Variants in FSTL4 observed in about 807,000 individuals in gnomAD.
FSTL4 encodes follistatin-related protein 4.
FSTL4 carries 28 observed loss-of-function variants against 78.2 expected under a neutral mutation model. That is an observed-to-expected ratio of 0.36 (90% CI 0.27 to 0.49). The LOEUF (loss-of-function observed/expected upper bound fraction) is 0.49. Ranked by LOEUF, FSTL4 falls within the 20% of genes least tolerant of loss-of-function variation. The pLI is 0.98. For missense variants in FSTL4, 922 were observed against 1,084.9 expected (o/e 0.85, Z 2.11); for synonymous variants, 422 against 440.5 (o/e 0.96, Z 0.53).
chr5:133,809,009 G>A, the FSTL4 span, among the ~76,000 whole-genome samples: 1 of 152,018 alleles, frequency 6.6e-6, no homozygotes, highest in Non-Finnish European at 1.5e-5. Flanking sequence ...TTTTGGACAG[G>A]TTGTGTGAAC....
At chr5:133,815,859 G>A in the FSTL4 span, among the ~76,000 whole-genome samples, 1 of 152,012 alleles carries the variant, frequency 6.6e-6, no homozygotes, top group African/African-American at 2.4e-5. Flanking sequence ...TTGTACCCAG[G>A]GCCCCAAAAG....
chr5:133,581,160 T>C (rs1051321839), intron 2 of FSTL4, among the ~76,000 whole-genome samples: 10 of 152,230 alleles, frequency 6.6e-5, no homozygotes, highest in African/African-American at 2.4e-4. Context: ...AAATGAGTTA[T>C]ATTTAATTAA....
intron 1 of FSTL4, among the ~76,000 whole-genome samples, chr5:133,609,111 G>A (rs1761035834): frequency 6.6e-6 from 1 of 152,164 alleles, no homozygotes. Context: ...AGCCATTAAG[G>A]ATTAGCCATA....
chr5:133,612,068 G>A lies in FSTL4; in HGVS notation c.-11+257C>T, dbSNP rs1348578620. Among the ~76,000 whole-genome samples, 6 of 152,046 alleles carry A rather than the reference G, an allele frequency of 3.9e-5. No individual in the cohort carries two copies. The highest frequency in any genetic ancestry group is 1.4e-4 in the African/African-American group (6 of 41,432). On this transcript the variant is annotated intron_variant, in intron 1 of 15. Transcript: ENST00000265342. This position sits in a 1 kb window ranked among gnomAD's most constrained non-coding sequence, Gnocchi z 6.2. Reference sequence around the variant, plus strand: ...CCGTAGACCCCGGCCACGAGCCTCGGCGTCCCAGCCTCTCCTCGAGTCCTG... The same window carrying A: ...CCGTAGACCCCGGCCACGAGCCTCGACGTCCCAGCCTCTCCTCGAGTCCTG...
At chr5:133,401,076 C>G in intron 3 of FSTL4, 90 bp from the exon 4 acceptor site, 1 of 1,464,072 alleles carries the variant, frequency 6.8e-7, no homozygotes. Context: ...AGCACAGACT[C>G]CATTTGCCTG....
intron 2 of FSTL4, among the ~76,000 whole-genome samples, chr5:133,579,659 T>A (rs1760359976): frequency 6.6e-6 from 1 of 152,198 alleles, no homozygotes; most frequent in African/African-American, 2.4e-5. Flanking sequence ...CAACTTAACA[T>A]CCACCTGTTT....
chr5:133,825,869 CCT>C, the FSTL4 span, among the ~76,000 whole-genome samples: 2 of 152,240 alleles, frequency 1.3e-5, no homozygotes, highest in African/African-American at 4.8e-5. Flanking sequence ...GCTGTCTCCC[CCT>C]GTGCTCAGCT....
intron 2 of FSTL4, among the ~76,000 whole-genome samples, chr5:133,572,129 G>GA (rs1368737312): frequency 1.3e-5 from 2 of 152,118 alleles, no homozygotes; most frequent in Admixed American, 1.3e-4. Context: ...AAGACAAATA[G>GA]AAAATCTTTA....
chr5:133,811,332 T>C, the FSTL4 span, among the ~76,000 whole-genome samples: 3 of 152,164 alleles, frequency 2.0e-5, no homozygotes, highest in East Asian at 5.8e-4. Context: ...TTCATATCTT[T>C]ATTCTCCCTG....
intron 4 of FSTL4, among the ~76,000 whole-genome samples, chr5:133,385,057 G>A (rs975751846): frequency 4.6e-5 from 7 of 152,018 alleles, no homozygotes; most frequent in East Asian, 1.9e-4. Context: ...CTCCGTTGTC[G>A]CGCTCCCCAC....
chr5:133,623,220 A>G, the FSTL4 span, among the ~76,000 whole-genome samples: 1 of 152,074 alleles, frequency 6.6e-6, no homozygotes. Flanking sequence ...CAATCTTTTA[A>G]TAGAAGAACA....
intron 2 of FSTL4, among the ~76,000 whole-genome samples, chr5:133,586,346 TG>T: frequency 2.7e-5 from 1 of 37,360 alleles, no homozygotes; most frequent in Non-Finnish European, 4.9e-5. Context: ...ATCCAGGAGC[TG>T]GTTTTTTGAA....
At chr5:133,650,742 T>C in the FSTL4 span, among the ~76,000 whole-genome samples, 2 of 152,324 alleles carry the variant, frequency 1.3e-5, no homozygotes. Context: ...TTTGTTCTTG[T>C]CCTTCAACAT....
intron 4 of FSTL4, among the ~76,000 whole-genome samples, chr5:133,375,958 T>A (rs1755425101): frequency 6.6e-6 from 1 of 152,230 alleles, no homozygotes; most frequent in Non-Finnish European, 1.5e-5. Context: ...TGTTTACGGA[T>A]GGAAAGCCAC....
At chr5:133,634,249 T>C in the FSTL4 span, among the ~76,000 whole-genome samples, 58,312 of 152,032 alleles carry the variant, frequency 0.38, 11,767 homozygotes, top group Admixed American at 0.45. Context: ...TTGGCCTTTG[T>C]TGGTGTGTGT....
intron 3 of FSTL4, among the ~76,000 whole-genome samples, chr5:133,550,248 T>A (rs1179737916): frequency 6.6e-6 from 1 of 152,232 alleles, no homozygotes. Flanking sequence ...TAGCCTCCCA[T>A]ATAGCCAGAA....
chr5:133,660,691 C>T, the FSTL4 span, among the ~76,000 whole-genome samples: 2 of 152,164 alleles, frequency 1.3e-5, no homozygotes, highest in African/African-American at 4.8e-5. Flanking sequence ...TCATTTTGTT[C>T]CTGAGGCCTA....
At position 133,249,631 on chromosome 5, in the gene FSTL4, C is replaced by G. The variant is rs906836607; in HGVS notation, c.728-55G>C. 6 of 1,435,178 alleles carry G rather than the reference C, an allele frequency of 4.2e-6. No individual in the cohort carries two copies. The African/African-American group carries it at 8.4e-5, about 20-fold the overall frequency. The allele number at this position is 1,435,178 out of a possible 1,614,324, so 88.9% of individuals were successfully genotyped here. A position where few individuals can be genotyped will look rare whatever the true frequency, so the allele number is the denominator to read the frequency against. On this transcript the variant is annotated intron_variant, in intron 6 of 15. Coordinates refer to ENST00000265342, the MANE Select transcript of FSTL4 (RefSeq NM_015082.2). ...GGTGCAGGCCCAGGGATTGGAGTCT[C>G]AACTCAAGGTGAATAGCCATGAATT...
At chr5:133,390,753 G>A (rs957044095) in intron 4 of FSTL4, among the ~76,000 whole-genome samples, 10 of 152,132 alleles carry the variant, frequency 6.6e-5, no homozygotes, top group Admixed American at 6.5e-4. Context: ...CTCTCCCCTG[G>A]GTCACTGCCT....
Sources: allele counts gnomAD v4.1 joint callset (sites outside exome capture counted in the v4.1 genomes callset), GRCh38; gene constraint gnomAD v4.1.1; non-coding constraint Gnocchi (gnomAD v3.1); transcripts MANE v1.5; gene names NCBI Gene and HGNC (gene_info 2026-07-23, HGNC 2026-07-21).